The following FBXL7 variants were observed in gnomAD, a reference collection of about 807,000 sequenced individuals.
FBXL7 encodes the protein F-box and leucine rich repeat protein 7, also known as F-box/LRR-repeat protein 7.
A neutral mutation model predicts 38.3 loss-of-function variants in FBXL7; 12 were observed. That is an observed-to-expected ratio of 0.31 (90% CI 0.20 to 0.51). The LOEUF (loss-of-function observed/expected upper bound fraction) is 0.51, where lower values mean the gene tolerates loss of function less well. Among genes scored for constraint, FBXL7 ranks in the 20% least tolerant of loss-of-function variants. The pLI is 0.98. For synonymous variants in FBXL7, 297 were observed against 300.9 expected, an observed-to-expected ratio of 0.99 and a Z score of 0.13; for missense variants, 567 against 676.4, an observed-to-expected ratio of 0.84 and a Z score of 1.79.
chr5:15,787,868 G>A (rs542805084), intron 2 of FBXL7, among the ~76,000 whole-genome samples: 1 of 152,094 alleles, frequency 6.6e-6, no homozygotes, highest in African/African-American at 2.4e-5. Flanking sequence ...AATTTCCTAG[G>A]GCTGTCACAA....
chr5:15,582,712 ACT>A (rs1739179241), intron 1 of FBXL7, among the ~76,000 whole-genome samples: 2 of 151,974 alleles, frequency 1.3e-5, no homozygotes, highest in Admixed American at 6.6e-5. Flanking sequence ...TAGGTGAAAG[ACT>A]CTGCTGCGTT....
At chr5:15,800,155 C>T (rs1737524557) in intron 2 of FBXL7, among the ~76,000 whole-genome samples, 1 of 152,080 alleles carries the variant, frequency 6.6e-6, no homozygotes, top group African/African-American at 2.4e-5. Flanking sequence ...GTGATGTAGG[C>T]ATCATCATGC....
chr5:15,588,073 A>T (rs1739351729), intron 1 of FBXL7, among the ~76,000 whole-genome samples: 1 of 152,190 alleles, frequency 6.6e-6, no homozygotes, highest in African/African-American at 2.4e-5. Context: ...TTTAATGTCC[A>T]GCAGAGGCAA....
chr5:15,551,806 T>C (rs993808496), intron 1 of FBXL7, among the ~76,000 whole-genome samples: 1 of 152,224 alleles, frequency 6.6e-6, no homozygotes, highest in Non-Finnish European at 1.5e-5. Flanking sequence ...CTATCTCTGC[T>C]TCTGTCATAG....
chr5:15,579,941 T>C (rs1328040952), intron 1 of FBXL7, among the ~76,000 whole-genome samples: 3 of 152,226 alleles, frequency 2.0e-5, no homozygotes, highest in East Asian at 1.9e-4. Flanking sequence ...GGAAGCAGCA[T>C]TGGCTTTTAT....
chr5:15,863,157 A>C (rs926741724), intron 2 of FBXL7, among the ~76,000 whole-genome samples: 4 of 152,188 alleles, frequency 2.6e-5, no homozygotes, highest in African/African-American at 9.6e-5. Context: ...GTCCACTCTA[A>C]ATTAGATTTC....
chr5:15,916,295 G>A (rs1741581713), intron 2 of FBXL7, among the ~76,000 whole-genome samples: 1 of 152,136 alleles, frequency 6.6e-6, no homozygotes, highest in Non-Finnish European at 1.5e-5. Flanking sequence ...TGTGCCTAGT[G>A]GTTACCATAT....
chr5:15,664,534 C>T (rs1478345242), intron 2 of FBXL7, among the ~76,000 whole-genome samples: 4 of 139,858 alleles, frequency 2.9e-5, no homozygotes, highest in African/African-American at 8.1e-5. Flanking sequence ...TGCAGTGGCA[C>T]GATTTTGGCT....
At chr5:15,658,909 T>G (rs1741970174) in intron 2 of FBXL7, among the ~76,000 whole-genome samples, 1 of 152,148 alleles carries the variant, frequency 6.6e-6, no homozygotes, top group Non-Finnish European at 1.5e-5. Flanking sequence ...TTACTTCTTT[T>G]TTTGGAGGCA....
chr5:15,725,588 G>A (rs1216887774), intron 2 of FBXL7, among the ~76,000 whole-genome samples: 1 of 152,158 alleles, frequency 6.6e-6, no homozygotes. Context: ...AATGTCCCAT[G>A]TGTACCTGAG....
chr5:15,901,954 C>T (rs1302623907), intron 2 of FBXL7, among the ~76,000 whole-genome samples: 1 of 152,174 alleles, frequency 6.6e-6, no homozygotes, highest in Non-Finnish European at 1.5e-5. Context: ...TTGCATTGTT[C>T]AGACTAGCAA....
intron 2 of FBXL7, among the ~76,000 whole-genome samples, chr5:15,629,788 A>T (rs1458143131): frequency 6.6e-6 from 1 of 152,192 alleles, no homozygotes. Flanking sequence ...GAATGGATGA[A>T]TGTATTTTTA....
At chr5:15,762,644 C>T (rs1196541055) in intron 2 of FBXL7, among the ~76,000 whole-genome samples, 1 of 152,198 alleles carries the variant, frequency 6.6e-6, no homozygotes, top group East Asian at 1.9e-4. Context: ...AAAAGCAATG[C>T]TCTCTCTTAG....
chr5:15,802,300 C>T (rs551747546), intron 2 of FBXL7, among the ~76,000 whole-genome samples: 1 of 152,198 alleles, frequency 6.6e-6, no homozygotes, highest in South Asian at 2.1e-4. Context: ...CATGTCAGGT[C>T]CCTGCTTAAA....
intron 2 of FBXL7, among the ~76,000 whole-genome samples, chr5:15,730,258 A>G (rs1389185547): frequency 6.6e-6 from 1 of 152,110 alleles, no homozygotes; most frequent in East Asian, 1.9e-4. Flanking sequence ...TTTCTCTTGC[A>G]CAGGTACTGT....
intron 2 of FBXL7, among the ~76,000 whole-genome samples, chr5:15,837,186 T>A (rs1332740695): frequency 6.6e-6 from 1 of 152,178 alleles, no homozygotes; most frequent in African/African-American, 2.4e-5. Context: ...CCAACATTAA[T>A]TGAAATGTAA....
chr5:15,936,133 G>A lies in FBXL7; in HGVS notation c.740-317G>A, dbSNP rs1742176489. The stretch of plus-strand genomic sequence containing the variant: ...GGGAATGGGATCCTCCCTATTTTAA[G>A]ACAAAGGAAATACTCAGAAGGATTG... On this transcript the variant is annotated intron_variant, in intron 3 of 3. Coordinates refer to ENST00000504595, the MANE Select transcript of FBXL7 (RefSeq NM_012304.5). The surrounding 1 kb of genome is among the most constrained non-coding windows in gnomAD (Gnocchi z 6.0). Among the ~76,000 whole-genome samples the A allele has an allele frequency of 6.6e-6, 1 of 152,150 alleles. No homozygotes were observed. The highest frequency in any genetic ancestry group is 2.4e-5 in the African/African-American group (1 of 41,428).
At chr5:15,683,353 T>A (rs1027108065) in intron 2 of FBXL7, among the ~76,000 whole-genome samples, 1 of 152,170 alleles carries the variant, frequency 6.6e-6, no homozygotes, top group Non-Finnish European at 1.5e-5. Context: ...CTGGACTGTA[T>A]GAGGGCTGAG....
At chr5:15,792,173 T>G (rs943975284) in intron 2 of FBXL7, among the ~76,000 whole-genome samples, 5 of 152,110 alleles carry the variant, frequency 3.3e-5, no homozygotes, top group Admixed American at 6.5e-5. Context: ...GCACCTGACA[T>G]CGTAGCTGTC....
Sources: allele counts gnomAD v4.1 joint callset (sites outside exome capture counted in the v4.1 genomes callset), GRCh38; gene constraint gnomAD v4.1.1; non-coding constraint Gnocchi (gnomAD v3.1); transcripts MANE v1.5; gene names NCBI Gene and HGNC (gene_info 2026-07-23, HGNC 2026-07-21).